The following ZMPSTE24 variants were observed in gnomAD, a reference collection of about 807,000 sequenced individuals.
ZMPSTE24 encodes the protein zinc metallopeptidase STE24, also known as CAAX prenyl protease 1 homolog.
ZMPSTE24 carries 48 observed loss-of-function variants against 56.7 expected under a neutral mutation model. The ratio of observed to expected loss-of-function variants is 0.85; its 90% confidence interval spans 0.67 to 1.08. ZMPSTE24 has a LOEUF of 1.08. ZMPSTE24 is among the 50% of genes least tolerant of loss of function. The pLI is 0.00. For synonymous variants in ZMPSTE24, 172 were observed against 195.2 expected, an observed-to-expected ratio of 0.88 and a Z score of 0.99; for missense variants, 503 against 548.7, an observed-to-expected ratio of 0.92 and a Z score of 0.83.
intron 9 of ZMPSTE24, among the ~76,000 whole-genome samples, chr1:40,291,319 A>C (rs772792174): frequency 1.7e-4 from 26 of 152,336 alleles, no homozygotes; most frequent in Non-Finnish European, 1.8e-4. Context: ...GCTTGGGTAA[A>C]AATCTTATGT....
Position 40,292,729 on chromosome 1 carries a change from C to A in ZMPSTE24, c.*60C>A. On this transcript the variant is annotated 3_prime_UTR_variant, in exon 10 of 10. Transcript: ENST00000372759. Reference sequence around the variant, plus strand: ...TTATTTCTGTCCTGGCAGCATGTTCCAGCTCTTGATGTTTTTAAACTTTTT... The same window carrying A: ...TTATTTCTGTCCTGGCAGCATGTTCAAGCTCTTGATGTTTTTAAACTTTTT... The A allele has an allele frequency of 6.5e-7, 1 of 1,535,046 alleles. No individual in the cohort carries two copies. The highest frequency in any genetic ancestry group is 1.1e-5 in the South Asian group (1 of 87,610).
At chr1:40,273,133 A>G (rs759963991) in intron 6 of ZMPSTE24, among the ~76,000 whole-genome samples, 1 of 152,186 alleles carries the variant, frequency 6.6e-6, no homozygotes, top group Non-Finnish European at 1.5e-5. Context: ...AGATGAAGGA[A>G]TAGAAGCAGA....
At chr1:40,258,533 G>C in intron 1 of ZMPSTE24, 139 bp downstream of exon 1, 1 of 1,471,958 alleles carries the variant, frequency 6.8e-7, no homozygotes, top group Non-Finnish European at 9.3e-7. Context: ...CTCGTAACTT[G>C]GCCCGATGGC....
intron 8 of ZMPSTE24, among the ~76,000 whole-genome samples, chr1:40,290,191 C>T (rs1041094609): frequency 6.6e-6 from 1 of 151,994 alleles, no homozygotes; most frequent in Non-Finnish European, 1.5e-5. Context: ...TGAGACCATC[C>T]TGGCTAACAC....
rs71060361 is a variant in ZMPSTE24 at position 40,267,332 on chromosome 1, G to GTTATTTTATTTTATT, written c.271-417_271-403dup. On this transcript the variant is annotated intron_variant, in intron 2 of 9. Coordinates refer to ENST00000372759, the MANE Select transcript of ZMPSTE24 (RefSeq NM_005857.5). ...ATTTTTTAAAAAAATATTTTATTTTGTTATTTTATTTTATTTTATTTTATT... is the reference window on the plus strand; with the variant it reads ...ATTTTTTAAAAAAATATTTTATTTTGTTATTTTATTTTATTTTATTTTATTTTATTTTATTTTATT... Among the ~76,000 whole-genome samples the GTTATTTTATTTTATT allele has an allele frequency of 9.2e-3, 1,258 of 137,484 alleles. 20 individuals are homozygous for GTTATTTTATTTTATT. The highest frequency in any genetic ancestry group is 0.021 in the South Asian group (89 of 4,332). 90.2% of individuals were successfully genotyped at this position (137,484 alleles called of 152,430 possible).
intron 2 of ZMPSTE24, among the ~76,000 whole-genome samples, chr1:40,266,398 C>T (rs571512985): frequency 2.0e-5 from 3 of 152,272 alleles, no homozygotes; most frequent in South Asian, 2.1e-4. Flanking sequence ...GTGTTTTGGG[C>T]GGTAGAATTC....
intron 6 of ZMPSTE24, among the ~76,000 whole-genome samples, chr1:40,277,424 A>T (rs978960261): frequency 2.0e-5 from 3 of 152,068 alleles, no homozygotes; most frequent in Admixed American, 1.3e-4. Context: ...AAGTCCCTCG[A>T]GAGTTTGTTA....
At chr1:40,280,038 C>G (rs958084968) in intron 6 of ZMPSTE24, among the ~76,000 whole-genome samples, 1 of 152,122 alleles carries the variant, frequency 6.6e-6, no homozygotes, top group Non-Finnish European at 1.5e-5. Flanking sequence ...GAAGACGACA[C>G]TTCAAAACAA....
At chr1:40,258,805 T>A (rs1443560817) in intron 1 of ZMPSTE24, among the ~76,000 whole-genome samples, 1 of 152,004 alleles carries the variant, frequency 6.6e-6, no homozygotes, top group African/African-American at 2.4e-5. Context: ...GAACTTGCAC[T>A]CTTGTTTCTC....
At chr1:40,285,838 TAAAATC>T in intron 7 of ZMPSTE24, 81 bp from the exon 8 acceptor site, 2 of 1,079,626 alleles carry the variant, frequency 1.9e-6, no homozygotes, top group East Asian at 5.3e-5. Context: ...TTCTTTAAGT[TAAAATC>T]TATGAAGGGC....
chr1:40,272,383 C>G (rs1643622256), intron 6 of ZMPSTE24, among the ~76,000 whole-genome samples: 1 of 152,108 alleles, frequency 6.6e-6, no homozygotes, highest in Non-Finnish European at 1.5e-5. Flanking sequence ...CTGCCTAGTT[C>G]TTTTAGGTAG....
At position 40,268,422 on chromosome 1, in the gene ZMPSTE24, A is replaced by G; in HGVS notation, c.361A>G (p.Thr121Ala). Residue 121 changes from threonine to alanine, a missense_variant, in exon 4 of 10, where the codon ACT (threonine) becomes GCT (alanine). Transcript: ENST00000372759. ...YAGFGPEYEI[T>A]QSLVFLLLAT... ...TTTTGTTTTTTCTTTTGTTTAGATC[A>G]CTCAGTCCCTGGTGTTTCTGCTGTT... The G allele has an allele frequency of 1.2e-6, 2 of 1,610,002 alleles. No homozygotes were observed. Among genetic ancestry groups the G allele is most frequent in the Non-Finnish European group, 1.7e-6 (2 of 1,178,286 alleles).
In ZMPSTE24 at chr1:40,278,079, C is replaced by T. The variant is rs1643688890; in HGVS notation, c.770-3264C>T. 4.0e-5 allele frequency among the ~76,000 whole-genome samples: 6 copies of T among 151,464 alleles called. No individual in the cohort carries two copies. The South Asian group carries it at 1.0e-3, about 26-fold the overall frequency. On this transcript the variant is annotated intron_variant, in intron 6 of 9. Transcript: ENST00000372759. ...AGCAAACATGTTTGGCTCTTCCTGG[C>T]AACCAAACCAAAAAGAAATGTAATA...
Position 40,292,890 on chromosome 1 carries a change from T to C in ZMPSTE24, c.*221T>C. On this transcript the variant is annotated 3_prime_UTR_variant, in exon 10 of 10. Coordinates refer to ENST00000372759, the MANE Select transcript of ZMPSTE24 (RefSeq NM_005857.5). ...CTTAATGTTTTTAAAGGCATAGTTT[T>C]ATCTTTGACATCTAATTTACCATCA... 1 of 449,936 alleles carries C rather than the reference T, an allele frequency of 2.2e-6. No homozygotes were observed. The highest frequency in any genetic ancestry group is 4.0e-6 in the Non-Finnish European group (1 of 250,176). The allele number at this position is 449,936 out of a possible 1,614,324, so 27.9% of individuals were successfully genotyped here.
rs1643458418 is a variant in ZMPSTE24 at position 40,258,280 on chromosome 1, G to A, written c.9G>A (p.Met3Ile). The A allele has an allele frequency of 6.2e-7, 1 of 1,614,024 alleles. No individual in the cohort carries two copies. Among genetic ancestry groups the A allele is most frequent in the Non-Finnish European group, 8.5e-7 (1 of 1,180,030 alleles). The part of the protein sequence containing the change: MG[M>I]WASLDALWEM... ...GGCGGAACCGGGTGGCCATGGGGAT[G>A]TGGGCATCGCTGGACGCTTTGTGGG... The change falls in exon 1 of 10, where the codon ATG becomes ATA. Residue 3 changes from methionine (M) to isoleucine (I), a missense_variant. Met to Ile is a conservative substitution (Grantham distance 10, BLOSUM62 1). Coordinates refer to ENST00000372759, the MANE Select transcript of ZMPSTE24 (RefSeq NM_005857.5).
chr1:40,274,340 C>T (rs576684722), intron 6 of ZMPSTE24, among the ~76,000 whole-genome samples: 1 of 152,320 alleles, frequency 6.6e-6, no homozygotes, highest in South Asian at 2.1e-4. Flanking sequence ...ACACACATTA[C>T]ATATTTGTAA....
In ZMPSTE24 at chr1:40,292,739, T is replaced by C; in HGVS notation, c.*70T>C. 11 of 1,497,414 alleles carry C rather than the reference T, an allele frequency of 7.3e-6. No individual in the cohort carries two copies. Among genetic ancestry groups the C allele is most frequent in the Non-Finnish European group, 1.0e-5 (11 of 1,083,586 alleles). 92.8% of individuals were successfully genotyped at this position (1,497,414 alleles called of 1,614,324 possible). On this transcript the variant is annotated 3_prime_UTR_variant, in exon 10 of 10. Transcript: ENST00000372759. ...CCTGGCAGCATGTTCCAGCTCTTGATGTTTTTAAACTTTTTTTTAGAAGAA... is the reference window on the plus strand; with the variant it reads ...CCTGGCAGCATGTTCCAGCTCTTGACGTTTTTAAACTTTTTTTTAGAAGAA...
At position 40,258,303 on chromosome 1, in the gene ZMPSTE24, G is replaced by C. The variant is rs780580864; in HGVS notation, c.32G>C (p.Trp11Ser). The change falls in exon 1 of 10, where the codon TGG becomes TCG. Residue 11 changes from tryptophan to serine, a missense_variant. Transcript: ENST00000372759. Reference sequence around the variant, plus strand: ...ATGTGGGCATCGCTGGACGCTTTGTGGGAGATGCCGGCCGAGAAGCGTATC... The same window carrying C: ...ATGTGGGCATCGCTGGACGCTTTGTCGGAGATGCCGGCCGAGAAGCGTATC... MGMWASLDALWEMPAEKRIFG... is the reference protein window; with the variant it reads MGMWASLDALSEMPAEKRIFG... 6.2e-7 allele frequency: 1 copy of C among 1,614,152 alleles called. No homozygotes were observed. Among genetic ancestry groups the C allele is most frequent in the Non-Finnish European group, 8.5e-7 (1 of 1,180,042 alleles).
chr1:40,262,215 A>G (rs182329950), intron 2 of ZMPSTE24, among the ~76,000 whole-genome samples: 1 of 152,384 alleles, frequency 6.6e-6, no homozygotes, highest in Admixed American at 6.5e-5. Flanking sequence ...CTTAACAAGT[A>G]TGGAATAATA....
Sources: gnomAD v4.1 joint callset for allele counts (sites outside exome capture counted in the v4.1 genomes callset) on GRCh38, gnomAD v4.1.1 for gene constraint, MANE v1.5 for transcripts, NCBI Gene and HGNC (gene_info 2026-07-23, HGNC 2026-07-21) for gene names.